ZC3H12C: variants seen among roughly 807,000 people sequenced by gnomAD.
ZC3H12C encodes the protein probable ribonuclease ZC3H12C.
In ZC3H12C, 20 loss-of-function variants were observed where a neutral mutation model predicts 76.3. That is an observed-to-expected ratio of 0.26 (90% CI 0.18 to 0.38). The LOEUF (loss-of-function observed/expected upper bound fraction) is 0.38, where lower values mean the gene tolerates loss of function less well. Ranked by LOEUF, ZC3H12C falls within the 10% of genes least tolerant of loss-of-function variation. The pLI is 1.00. For missense variants in ZC3H12C, 874 were observed against 1,086.5 expected, an observed-to-expected ratio of 0.80 and a Z score of 2.75; for synonymous variants, 352 against 399.6, an observed-to-expected ratio of 0.88 and a Z score of 1.42.
intron 1 of ZC3H12C, among the ~76,000 whole-genome samples, chr11:110,097,805 A>T (rs1371900011): frequency 6.6e-6 from 1 of 152,180 alleles, no homozygotes; most frequent in Non-Finnish European, 1.5e-5. Flanking sequence ...ATAAGATTAT[A>T]ATAGAGCTGA....
chr11:110,114,798 C>T (rs1024918329), intron 1 of ZC3H12C, among the ~76,000 whole-genome samples: 2 of 152,126 alleles, frequency 1.3e-5, no homozygotes, highest in African/African-American at 4.8e-5. Flanking sequence ...TCCTCATTCA[C>T]AAGTATCATT....
chr11:110,135,490 CAAA>C (rs60107794), intron 1 of ZC3H12C, among the ~76,000 whole-genome samples: 1 of 95,320 alleles, frequency 1.0e-5, no homozygotes. Context: ...ACTCCCGTCT[CAAA>C]AAAAAAAAAA....
chr11:110,133,636 A>C (rs1046662919), intron 1 of ZC3H12C, among the ~76,000 whole-genome samples: 8 of 152,192 alleles, frequency 5.3e-5, no homozygotes, highest in Non-Finnish European at 7.4e-5. Context: ...ATCACTTTAA[A>C]AATATGTGGT....
intron 1 of ZC3H12C, among the ~76,000 whole-genome samples, chr11:110,122,095 A>C (rs997513533): frequency 3.9e-5 from 6 of 152,224 alleles, no homozygotes; most frequent in Non-Finnish European, 8.8e-5. Flanking sequence ...AGAACAAGAC[A>C]TGCACGTATC....
rs982596097 is a variant in ZC3H12C at position 110,167,864 on chromosome 11, A to T, written c.*2127A>T. On this transcript the variant is annotated 3_prime_UTR_variant, in exon 6 of 6. Transcript: ENST00000278590. ...TCTGTCTGAAAGCAACCCTACTCGC[A>T]TGTGAAATTGTTCTCCTTGATTTGG... 2.6e-5 allele frequency: 4 copies of T among 152,182 alleles called. No homozygotes were observed. The highest frequency in any genetic ancestry group is 9.6e-5 in the African/African-American group (4 of 41,454). 9.4% of individuals were successfully genotyped at this position (152,182 alleles called of 1,614,324 possible).
At chr11:110,150,996 C>G (rs1425997865) in intron 2 of ZC3H12C, among the ~76,000 whole-genome samples, 2 of 152,124 alleles carry the variant, frequency 1.3e-5, no homozygotes, top group African/African-American at 4.8e-5. Context: ...TTCCTAAACA[C>G]ATGGAGGATT....
chr11:110,147,031 G>T (rs1216461004), intron 2 of ZC3H12C, among the ~76,000 whole-genome samples: 1 of 152,156 alleles, frequency 6.6e-6, no homozygotes, highest in Non-Finnish European at 1.5e-5. Flanking sequence ...AGGCATGAGA[G>T]GAGGTAGTCT....
intron 1 of ZC3H12C, among the ~76,000 whole-genome samples, chr11:110,098,493 A>G (rs1861154983): frequency 6.6e-6 from 1 of 152,238 alleles, no homozygotes; most frequent in Non-Finnish European, 1.5e-5. Flanking sequence ...ATCTACAGTA[A>G]TGTACACTAA....
chr11:110,142,040 G>C (rs1223252978), intron 2 of ZC3H12C, among the ~76,000 whole-genome samples: 1 of 152,138 alleles, frequency 6.6e-6, no homozygotes, highest in East Asian at 1.9e-4. Context: ...CTAGGTGAGT[G>C]TCACAGGTAT....
chr11:110,166,939 G>A lies in ZC3H12C; in HGVS notation c.*1202G>A, dbSNP rs1475127164. On this transcript the variant is annotated 3_prime_UTR_variant, in exon 6 of 6. Coordinates refer to ENST00000278590, the MANE Select transcript of ZC3H12C (RefSeq NM_033390.2). ...GGGGCCTGTTATATTATTAAGGCCA[G>A]ACTCTTGCCACAAATAGTGTAGTTT... 1 of 152,124 alleles carries A rather than the reference G, an allele frequency of 6.6e-6. No homozygotes were observed. Among genetic ancestry groups the A allele is most frequent in the Non-Finnish European group, 1.5e-5 (1 of 68,030 alleles). The allele number at this position is 152,124 out of a possible 1,614,324, so 9.4% of individuals were successfully genotyped here.
intron 1 of ZC3H12C, among the ~76,000 whole-genome samples, chr11:110,124,815 A>AT (rs35847031): frequency 4.7e-4 from 70 of 148,918 alleles, no homozygotes; most frequent in Non-Finnish European, 4.8e-4. Flanking sequence ...TGCAGCTGAG[A>AT]TTTTTTTTTT....
At chr11:110,127,442 T>G (rs1029257444) in intron 1 of ZC3H12C, among the ~76,000 whole-genome samples, 1 of 152,212 alleles carries the variant, frequency 6.6e-6, no homozygotes. Context: ...ACACTATGTG[T>G]GTGAATTAGC....
At chr11:110,157,416 T>C (rs1210322338) in intron 3 of ZC3H12C, among the ~76,000 whole-genome samples, 8 of 150,014 alleles carry the variant, frequency 5.3e-5, no homozygotes, top group Admixed American at 5.3e-4. Context: ...CTTCCACTCA[T>C]AGAAAGGTCT....
intron 1 of ZC3H12C, among the ~76,000 whole-genome samples, chr11:110,094,751 T>G (rs1861083303): frequency 6.6e-6 from 1 of 152,222 alleles, no homozygotes; most frequent in African/African-American, 2.4e-5. Flanking sequence ...TGACCCCCTG[T>G]TCACCTGTTT....
chr11:110,134,306 A>T (rs1861916057), intron 1 of ZC3H12C, among the ~76,000 whole-genome samples: 1 of 152,142 alleles, frequency 6.6e-6, no homozygotes, highest in African/African-American at 2.4e-5. Context: ...GCTTTTGTTC[A>T]TACCAAATTA....
At chr11:110,141,147 T>C (rs1862061412) in intron 2 of ZC3H12C, among the ~76,000 whole-genome samples, 2 of 152,054 alleles carry the variant, frequency 1.3e-5, no homozygotes, top group African/African-American at 4.8e-5. Context: ...ACACATCTGA[T>C]TGTAACTGGG....
intron 1 of ZC3H12C, among the ~76,000 whole-genome samples, chr11:110,117,663 CACAT>C (rs1379025996): frequency 6.9e-6 from 1 of 144,582 alleles, no homozygotes; most frequent in Non-Finnish European, 1.5e-5. Context: ...CACACACACA[CACAT>C]ATATATATAT....
chr11:110,162,671 C>T (rs1033464378), intron 4 of ZC3H12C, among the ~76,000 whole-genome samples: 2 of 152,146 alleles, frequency 1.3e-5, no homozygotes, highest in Admixed American at 1.3e-4. Context: ...GGAGTTAGAT[C>T]TAATTGAATC....
chr11:110,140,877 G>A (rs1368189309), intron 2 of ZC3H12C, among the ~76,000 whole-genome samples: 4 of 152,144 alleles, frequency 2.6e-5, no homozygotes, highest in Non-Finnish European at 5.9e-5. Context: ...GTAATATTTT[G>A]CCTTTAGGAA....
Sources: gnomAD v4.1 joint callset for allele counts (sites outside exome capture counted in the v4.1 genomes callset) on GRCh38, gnomAD v4.1.1 for gene constraint, MANE v1.5 for transcripts, NCBI Gene and HGNC (gene_info 2026-07-23, HGNC 2026-07-21) for gene names.